Variants in FOXP2 observed in about 807,000 individuals in gnomAD.
The protein encoded by FOXP2 is forkhead box P2, also known as forkhead box protein P2.
Under a neutral mutation model 115.8 loss-of-function variants are expected in FOXP2, and 12 were observed. The observed-to-expected ratio is 0.10, with a 90% CI of 0.07 to 0.17. The LOEUF (loss-of-function observed/expected upper bound fraction) is 0.17, where lower values mean the gene tolerates loss of function less well. FOXP2 is among the 10% of genes least tolerant of loss of function. The pLI is 1.00. For missense variants in FOXP2, 629 were observed against 843.5 expected, an observed-to-expected ratio of 0.75 and a Z score of 3.15; for synonymous variants, 328 against 297.7, an observed-to-expected ratio of 1.10 and a Z score of -1.05.
chr7:114,480,619 ATATACATG>A lies in FOXP2; in HGVS notation c.168+53948_168+53955del, dbSNP rs200697301. On this transcript the variant is annotated intron_variant, in intron 2 of 16. Transcript: ENST00000350908. Reference sequence around the variant, plus strand: ...CATTCATATATACATATATAAACATATATACATGTATACATATGTATATGCATATGTGT... The same window carrying A: ...CATTCATATATACATATATAAACATATATACATATGTATATGCATATGTGT... Among the ~76,000 whole-genome samples the A allele has an allele frequency of 6.8e-3, 1,030 of 150,474 alleles. 10 individuals are homozygous for A. Among genetic ancestry groups the A allele is most frequent in the African/African-American group, 0.024 (979 of 41,268 alleles).
chr7:114,673,457 C>T (rs896320634), intron 16 of FOXP2, among the ~76,000 whole-genome samples: 8 of 152,136 alleles, frequency 5.3e-5, no homozygotes, highest in Non-Finnish European at 1.2e-4. Context: ...TGAAGAATTA[C>T]ATTGTGTTTT....
intron 1 of FOXP2, among the ~76,000 whole-genome samples, chr7:114,416,909 T>A (rs1466699537): frequency 1.3e-5 from 2 of 151,864 alleles, no homozygotes; most frequent in African/African-American, 2.4e-5. Context: ...CTTTTTTTTT[T>A]AAACCCATGT....
intron 1 of FOXP2, among the ~76,000 whole-genome samples, chr7:114,221,359 T>A (rs1794616719): frequency 6.6e-6 from 1 of 152,172 alleles, no homozygotes; most frequent in Non-Finnish European, 1.5e-5. Context: ...TGCCAAGACA[T>A]ATTTTGTACT....
At chr7:114,417,431 A>G (rs1229991973) in intron 1 of FOXP2, among the ~76,000 whole-genome samples, 1 of 151,958 alleles carries the variant, frequency 6.6e-6, no homozygotes, top group Non-Finnish European at 1.5e-5. Context: ...AGCACTGTTC[A>G]TTAGCAGAAT....
chr7:114,351,849 A>G (rs900186113), intron 2 of FOXP2, among the ~76,000 whole-genome samples: 4 of 152,138 alleles, frequency 2.6e-5, no homozygotes, highest in African/African-American at 9.7e-5. Flanking sequence ...CTTTGAAAAA[A>G]TGATTAAGTT....
In FOXP2 at chr7:114,446,775, C is replaced by T. The variant is rs1794852844; in HGVS notation, c.168+20096C>T. Among the ~76,000 whole-genome samples the T allele has an allele frequency of 2.7e-5, 4 of 147,206 alleles. 1 individual carries two copies. The Middle Eastern group carries it at 0.011, about 389-fold the overall frequency. ...TTTTTTTTTTTTTGAGACAGAGTCT[C>T]ATTCTGTAGCTCAGGCTGGAGTGCA... On this transcript the variant is annotated intron_variant, in intron 2 of 16. Transcript: ENST00000350908.
At chr7:114,156,620 G>A (rs1471643468) in intron 1 of FOXP2, among the ~76,000 whole-genome samples, 4 of 152,054 alleles carry the variant, frequency 2.6e-5, no homozygotes, top group Non-Finnish European at 5.9e-5. Context: ...TCCCTCAAAT[G>A]TATAAAACCA....
chr7:114,243,262 G>GA (rs61609626), intron 1 of FOXP2, among the ~76,000 whole-genome samples: 5,601 of 106,954 alleles, frequency 0.052, 122 homozygotes, highest in Middle Eastern at 0.14. Flanking sequence ...CCATGAGCCA[G>GA]AAAAAAAAAA....
At chr7:114,279,133 A>T (rs1796266286) in intron 1 of FOXP2, among the ~76,000 whole-genome samples, 4 of 152,244 alleles carry the variant, frequency 2.6e-5, no homozygotes. Context: ...TTTAATATTA[A>T]TTCAGAATTT....
chr7:114,569,212 C>T (rs1307469026), intron 3 of FOXP2, among the ~76,000 whole-genome samples: 1 of 151,794 alleles, frequency 6.6e-6, no homozygotes, highest in African/African-American at 2.4e-5. Flanking sequence ...AATCGTGTGG[C>T]TTGTTTTGAT....
intron 3 of FOXP2, among the ~76,000 whole-genome samples, chr7:114,597,909 A>G (rs560536254): frequency 2.6e-4 from 39 of 152,186 alleles, no homozygotes; most frequent in Non-Finnish European, 4.6e-4. Context: ...CATCTAGTCA[A>G]GCCAATATGG....
chr7:114,426,468 C>T (rs771752971), intron 1 of FOXP2, 34 bp from the exon 2 acceptor site: 19 of 1,591,860 alleles, frequency 1.2e-5, no homozygotes, highest in Middle Eastern at 1.7e-4. Context: ...GAAGGTGTAA[C>T]GTGTGTTAAT....
rs150446367 is a variant in FOXP2 at position 114,243,192 on chromosome 7, C to T, written c.-101-44827C>T. Reference sequence around the variant, plus strand: ...GGGTCTGAAGGCTTTGGTCATGACTCATCGAAGCAATCAAAACTAGAGGGA... The same window carrying T: ...GGGTCTGAAGGCTTTGGTCATGACTTATCGAAGCAATCAAAACTAGAGGGA... On this transcript the variant is annotated intron_variant, in intron 1 of 17. Transcript: ENST00000634411. Among the ~76,000 whole-genome samples, 407 of 147,232 alleles carry T rather than the reference C, an allele frequency of 2.8e-3. 1 individual carries two copies. Among genetic ancestry groups the T allele is most frequent in the Non-Finnish European group, 4.1e-3 (273 of 67,240 alleles).
At chr7:114,310,111 G>T (rs535317199) in intron 2 of FOXP2, among the ~76,000 whole-genome samples, 1 of 152,128 alleles carries the variant, frequency 6.6e-6, no homozygotes, top group Non-Finnish European at 1.5e-5. Flanking sequence ...TATGCCCATC[G>T]AGCTGAGTAA....
intron 2 of FOXP2, among the ~76,000 whole-genome samples, chr7:114,444,615 C>T (rs955889963): frequency 4.6e-5 from 7 of 152,030 alleles, no homozygotes; most frequent in African/African-American, 1.4e-4. Context: ...CAAGTACTGA[C>T]TTCTCTATGA....
At chr7:114,564,277 T>G (rs1800894632) in intron 3 of FOXP2, among the ~76,000 whole-genome samples, 1 of 152,078 alleles carries the variant, frequency 6.6e-6, no homozygotes, top group Admixed American at 6.5e-5. Context: ...AGCAATGAAT[T>G]CCTACTCATT....
At chr7:114,256,770 T>C (rs1002035314) in intron 1 of FOXP2, among the ~76,000 whole-genome samples, 72 of 152,312 alleles carry the variant, frequency 4.7e-4, no homozygotes, top group African/African-American at 1.7e-3. Flanking sequence ...AGGGGAACTA[T>C]AAACTCTGCT....
chr7:114,319,200 C>A (rs1009990280), intron 2 of FOXP2, among the ~76,000 whole-genome samples: 1 of 152,042 alleles, frequency 6.6e-6, no homozygotes, highest in African/African-American at 2.4e-5. Context: ...CTTGTTTATA[C>A]TGGAAGGTGT....
At chr7:114,451,946 A>G (rs903995296) in intron 2 of FOXP2, among the ~76,000 whole-genome samples, 5 of 151,918 alleles carry the variant, frequency 3.3e-5, no homozygotes, top group Non-Finnish European at 7.4e-5. Flanking sequence ...TTGAAATGTA[A>G]TTGTTAGTAT....
Sources: allele counts gnomAD v4.1 joint callset (sites outside exome capture counted in the v4.1 genomes callset), GRCh38; gene constraint gnomAD v4.1.1; transcripts MANE v1.5; gene names NCBI Gene and HGNC (gene_info 2026-07-23, HGNC 2026-07-21).